The following TENM2 variants were observed in gnomAD, a reference collection of about 807,000 sequenced individuals.
TENM2 encodes teneurin-2.
Under a neutral mutation model 245.2 loss-of-function variants are expected in TENM2, and 52 were observed. That is an observed-to-expected ratio of 0.21 (90% CI 0.17 to 0.27). TENM2 has a LOEUF of 0.27. TENM2 is among the 10% of genes least tolerant of loss of function. The pLI, the probability that TENM2 is intolerant of heterozygous loss-of-function variation, is 1.00. For missense variants in TENM2, 3,046 were observed against 3,666.8 expected (o/e 0.83, Z 4.37); for synonymous variants, 1,363 against 1,438.9 (o/e 0.95, Z 1.19).
At chr5:168,236,826 G>T (rs1765462739) in intron 25 of TENM2, among the ~76,000 whole-genome samples, 1 of 148,266 alleles carries the variant, frequency 6.7e-6, no homozygotes, top group African/African-American at 2.5e-5. Flanking sequence ...ATGAAAATCT[G>T]CTCCCTCCCA....
chr5:167,328,674 C>T (rs973329324), intron 1 of TENM2, among the ~76,000 whole-genome samples: 5 of 152,136 alleles, frequency 3.3e-5, no homozygotes, highest in Non-Finnish European at 7.3e-5. Context: ...CTAGCTGTTC[C>T]CTCTAGCTGG....
intron 7 of TENM2, among the ~76,000 whole-genome samples, chr5:168,082,751 G>A (rs968888829): frequency 2.0e-5 from 3 of 152,204 alleles, no homozygotes; most frequent in Non-Finnish European, 4.4e-5. Context: ...ATCACCAGCG[G>A]AGGCTGCAGA....
chr5:167,135,250 C>A, the TENM2 span, among the ~76,000 whole-genome samples: 1 of 152,160 alleles, frequency 6.6e-6, no homozygotes, highest in Non-Finnish European at 1.5e-5. Context: ...GAAACATATA[C>A]AATTTTATTT....
intron 2 of TENM2, among the ~76,000 whole-genome samples, chr5:167,742,193 C>T (rs1164594921): frequency 6.6e-6 from 1 of 151,974 alleles, no homozygotes; most frequent in African/African-American, 2.4e-5. Flanking sequence ...TAACTAATTC[C>T]CACATTCCCC....
the TENM2 span, among the ~76,000 whole-genome samples, chr5:167,102,561 G>A: frequency 2.6e-5 from 4 of 152,322 alleles, no homozygotes; most frequent in East Asian, 5.8e-4. Flanking sequence ...ATATGACCAA[G>A]GGCTAAATAG....
the TENM2 span, among the ~76,000 whole-genome samples, chr5:167,035,919 T>C: frequency 2.0e-5 from 3 of 152,194 alleles, no homozygotes; most frequent in East Asian, 1.9e-4. Flanking sequence ...ATTTTTGTAT[T>C]ATTAGTAGAG....
intron 5 of TENM2, among the ~76,000 whole-genome samples, chr5:168,001,272 A>G (rs758661993): frequency 2.0e-5 from 3 of 152,236 alleles, no homozygotes; most frequent in African/African-American, 4.8e-5. Flanking sequence ...TAAGCACCAC[A>G]TTTAAGCCCT....
chr5:167,841,060 C>A (rs1168435673), intron 2 of TENM2, among the ~76,000 whole-genome samples: 5 of 90,730 alleles, frequency 5.5e-5, no homozygotes, highest in African/African-American at 1.6e-4. Context: ...TTGTCATCCT[C>A]ATTTTTTTTT....
intron 12 of TENM2, among the ~76,000 whole-genome samples, chr5:168,132,505 A>G (rs1489848916): frequency 1.3e-5 from 2 of 152,164 alleles, no homozygotes; most frequent in Non-Finnish European, 2.9e-5. Context: ...TTTGTGTCGT[A>G]CTCTGCGCTG....
In TENM2 at chr5:168,171,476, T is replaced by G. The variant is rs149970406; in HGVS notation, c.2569+8719T>G. On this transcript the variant is annotated intron_variant, in intron 13 of 28. Transcript: ENST00000518659. ...AAGATTCAAACAAGTACAGAATGTG[T>G]GCTGCTGCAAGGAAGCCTTAGAAAA... 9.3e-3 allele frequency among the ~76,000 whole-genome samples: 1,420 copies of G among 152,350 alleles called. 24 individuals carry two copies. The highest frequency in any genetic ancestry group is 0.032 in the African/African-American group (1,334 of 41,590).
intron 1 of TENM2, among the ~76,000 whole-genome samples, chr5:167,348,009 A>G (rs17498388): frequency 0.25 from 38,789 of 152,134 alleles, 6,030 homozygotes; most frequent in Non-Finnish European, 0.36. Context: ...AAGAGAAGTG[A>G]TCGCATCCAA....
chr5:167,999,027 G>A (rs776994422), intron 5 of TENM2, among the ~76,000 whole-genome samples: 1 of 152,154 alleles, frequency 6.6e-6, no homozygotes, highest in Non-Finnish European at 1.5e-5. Flanking sequence ...ACTGAACAGA[G>A]CAGGTTTGGA....
intron 2 of TENM2, among the ~76,000 whole-genome samples, chr5:167,484,019 A>G (rs1244492541): frequency 1.3e-5 from 2 of 152,152 alleles, no homozygotes; most frequent in Non-Finnish European, 2.9e-5. Flanking sequence ...ACATATATGT[A>G]TGTCTTGGAG....
chr5:167,420,318 G>T (rs533204592), intron 2 of TENM2, among the ~76,000 whole-genome samples: 1 of 152,216 alleles, frequency 6.6e-6, no homozygotes, highest in Non-Finnish European at 1.5e-5. Context: ...AGCTTTCTGG[G>T]ACCAAATAAA....
At chr5:168,025,854 A>C (rs1421300681) in intron 5 of TENM2, among the ~76,000 whole-genome samples, 1 of 152,206 alleles carries the variant, frequency 6.6e-6, no homozygotes, top group East Asian at 1.9e-4. Context: ...AATGGCTAGC[A>C]ATAAAGGCTT....
intron 2 of TENM2, among the ~76,000 whole-genome samples, chr5:167,691,044 T>A (rs1436891276): frequency 6.6e-6 from 1 of 151,732 alleles, no homozygotes; most frequent in Non-Finnish European, 1.5e-5. Flanking sequence ...AACCAGAAAC[T>A]TTGAAGACAA....
At chr5:167,878,361 G>A (rs958675696) in intron 3 of TENM2, among the ~76,000 whole-genome samples, 11 of 152,124 alleles carry the variant, frequency 7.2e-5, no homozygotes, top group Non-Finnish European at 1.5e-4. Flanking sequence ...GAAAATTTAA[G>A]GGTCCATTTT....
At chr5:168,011,735 C>T (rs1372349401) in intron 5 of TENM2, among the ~76,000 whole-genome samples, 1 of 152,046 alleles carries the variant, frequency 6.6e-6, no homozygotes. Flanking sequence ...CTCTATGCAG[C>T]GTAAACAGGG....
intron 2 of TENM2, among the ~76,000 whole-genome samples, chr5:167,642,056 G>A (rs753226977): frequency 5.1e-4 from 77 of 151,164 alleles, no homozygotes; most frequent in Non-Finnish European, 1.0e-3. Context: ...CAGGAGATTC[G>A]CTTGAACCCA....
Sources: allele counts gnomAD v4.1 joint callset (sites outside exome capture counted in the v4.1 genomes callset), GRCh38; gene constraint gnomAD v4.1.1; transcripts MANE v1.5; gene names NCBI Gene and HGNC (gene_info 2026-07-23, HGNC 2026-07-21).